Variants in ZNF682 observed in about 807,000 individuals in gnomAD.
The protein encoded by ZNF682 is zinc finger protein 682.
Under a neutral mutation model 36.5 loss-of-function variants are expected in ZNF682, and 29 were observed. The observed-to-expected ratio is 0.80, with a 90% CI of 0.59 to 1.08. The LOEUF (loss-of-function observed/expected upper bound fraction) is 1.08, where lower values mean the gene tolerates loss of function less well. Ranked by LOEUF, ZNF682 falls within the 50% of genes least tolerant of loss-of-function variation. The pLI is 0.00. For synonymous variants in ZNF682, 180 were observed against 197.0 expected (o/e 0.91, Z 0.72); for missense variants, 561 against 579.7 (o/e 0.97, Z 0.33).
At chr19:20,008,381 G>A (rs2088249866) in intron 3 of ZNF682, among the ~76,000 whole-genome samples, 1 of 152,206 alleles carries the variant, frequency 6.6e-6, no homozygotes, top group South Asian at 2.1e-4. Context: ...CCTGCTCCCA[G>A]GGAAGACACT....
intron 1 of ZNF682, 141 bp downstream of exon 1, chr19:20,039,202 G>C: frequency 7.0e-7 from 1 of 1,429,402 alleles, no homozygotes; most frequent in South Asian, 1.5e-5. Flanking sequence ...GGTGATCGAC[G>C]GCCGAGCTGT....
chr19:20,020,944 C>T (rs191655904), intron 3 of ZNF682, among the ~76,000 whole-genome samples: 57 of 106,080 alleles, frequency 5.4e-4, no homozygotes, highest in East Asian at 4.9e-3. Context: ...TGAGTATATA[C>T]TTCCAGTCCT....
Position 20,022,998 on chromosome 19 carries a change from A to G in ZNF682, c.226+6T>C, listed in dbSNP as rs367943329. On this transcript the variant is annotated splice_donor_region_variant and intron_variant, in intron 3 of 3. Transcript: ENST00000397165. ...CTGTGGCATGTGTTTCATTCATCCAACCTACCTGGGGGTTTGGCTATGGTC... is the reference window on the plus strand; with the variant it reads ...CTGTGGCATGTGTTTCATTCATCCAGCCTACCTGGGGGTTTGGCTATGGTC... The G allele has an allele frequency of 1.7e-5, 27 of 1,611,528 alleles. No homozygotes were observed. Among genetic ancestry groups the G allele is most frequent in the African/African-American group, 6.7e-5 (5 of 74,706 alleles).
chr19:20,020,235 C>T (rs529165204), intron 3 of ZNF682, among the ~76,000 whole-genome samples: 54 of 152,234 alleles, frequency 3.5e-4, no homozygotes, highest in African/African-American at 1.2e-3. Flanking sequence ...CAGTGGCTCA[C>T]ACCCGTAATA....
In ZNF682 at chr19:19,997,401, G is replaced by C. The variant is rs118137614; in HGVS notation, c.227-138C>G. On this transcript the variant is annotated intron_variant, in intron 3 of 3. Coordinates refer to the ZNF682 transcript ENST00000596019. ...TTCACATACCCATAAGTGTCTGCTGGCCTTTGTTCTTCATTGGTGAACCAA... is the reference window on the plus strand; with the variant it reads ...TTCACATACCCATAAGTGTCTGCTGCCCTTTGTTCTTCATTGGTGAACCAA... The C allele has an allele frequency of 1.9e-3, 755 of 396,072 alleles. 12 individuals are homozygous for C. In the East Asian group the frequency reaches 0.026, roughly 14 times the overall value. The allele number at this position is 396,072 out of a possible 1,614,324, so 24.5% of individuals were successfully genotyped here.
intron 1 of ZNF682, among the ~76,000 whole-genome samples, chr19:20,028,750 T>C (rs140990119): frequency 3.5e-4 from 54 of 152,360 alleles, no homozygotes; most frequent in Admixed American, 1.3e-3. Flanking sequence ...AGGCAGCTCA[T>C]GTCTGAGTAA....
intron 3 of ZNF682, among the ~76,000 whole-genome samples, chr19:20,008,452 G>A (rs2088250323): frequency 6.6e-6 from 1 of 152,186 alleles, no homozygotes; most frequent in Non-Finnish European, 1.5e-5. Context: ...CTACCTGCTG[G>A]ACTAAAAATC....
intron 1 of ZNF682, among the ~76,000 whole-genome samples, chr19:20,035,046 G>A (rs1198265806): frequency 6.6e-6 from 1 of 152,000 alleles, no homozygotes; most frequent in African/African-American, 2.4e-5. Context: ...TGCAATGAGT[G>A]GAGATCATGC....
chr19:20,004,300 G>A (rs765842442), downstream of ZNF682: 1 of 152,164 alleles, frequency 6.6e-6, no homozygotes, highest in Non-Finnish European at 1.5e-5. Flanking sequence ...CACTAGAGAT[G>A]CCATTCCACT....
chr19:20,034,189 AAC>A (rs2088506024), intron 1 of ZNF682: 1 of 152,270 alleles, frequency 6.6e-6, no homozygotes, highest in Non-Finnish European at 1.5e-5. Flanking sequence ...CAGCATGAGA[AAC>A]ACACGCATTC....
At chr19:19,999,501 A>G (rs1236439034), downstream of ZNF682, among the ~76,000 whole-genome samples, 1 of 151,822 alleles carries the variant, frequency 6.6e-6, no homozygotes, top group Non-Finnish European at 1.5e-5. Flanking sequence ...TGATGTCAGG[A>G]CCCAAATTAT....
chr19:19,999,164 C>A (rs796666583), intron 3 of ZNF682, among the ~76,000 whole-genome samples: 1 of 152,182 alleles, frequency 6.6e-6, no homozygotes, highest in African/African-American at 2.4e-5. Context: ...CCTGATCCCA[C>A]ATTTCCAACC....
intron 3 of ZNF682, among the ~76,000 whole-genome samples, chr19:20,012,698 G>A (rs1248691155): frequency 4.0e-5 from 6 of 150,900 alleles, no homozygotes; most frequent in African/African-American, 1.5e-4. Flanking sequence ...AACCCGGGAG[G>A]CGGAGCTTGC....
intron 1 of ZNF682, among the ~76,000 whole-genome samples, chr19:20,036,354 A>G (rs2088528790): frequency 6.7e-6 from 1 of 149,256 alleles, no homozygotes; most frequent in Admixed American, 6.8e-5. Flanking sequence ...TTTTGCTCCT[A>G]TTGCCCAGGC....
chr19:20,000,718 T>C (rs938035858), downstream of ZNF682, among the ~76,000 whole-genome samples: 1 of 152,248 alleles, frequency 6.6e-6, no homozygotes, highest in Non-Finnish European at 1.5e-5. Flanking sequence ...CAGATGTTCC[T>C]ATGTGCCTGA....
intron 1 of ZNF682, among the ~76,000 whole-genome samples, chr19:20,026,007 A>T (rs1176194792): frequency 1.3e-5 from 2 of 152,180 alleles, no homozygotes; most frequent in Non-Finnish European, 2.9e-5. Context: ...GTGCATTTTT[A>T]AAATCCTGTT....
chr19:20,028,784 C>T (rs1004950955), intron 1 of ZNF682, among the ~76,000 whole-genome samples: 9 of 152,262 alleles, frequency 5.9e-5, no homozygotes, highest in Non-Finnish European at 1.2e-4. Context: ...AAACAACACG[C>T]GCACATGCAT....
intron 1 of ZNF682, among the ~76,000 whole-genome samples, chr19:20,037,596 C>CA (rs573617353): frequency 0.07 from 4,538 of 64,800 alleles, 218 homozygotes; most frequent in East Asian, 0.22. Context: ...GACATTTTCC[C>CA]GCCCCATCCT....
chr19:20,037,126 AG>A (rs2088538060), intron 1 of ZNF682, among the ~76,000 whole-genome samples: 1 of 152,214 alleles, frequency 6.6e-6, no homozygotes, highest in African/African-American at 2.4e-5. Context: ...TGCAAAAGGT[AG>A]GTCTAGGCCC....
Sources: allele counts gnomAD v4.1 joint callset (sites outside exome capture counted in the v4.1 genomes callset), GRCh38; gene constraint gnomAD v4.1.1; transcripts MANE v1.5; gene names NCBI Gene and HGNC (gene_info 2026-07-23, HGNC 2026-07-21).